Variants in TEX36 observed in about 807,000 individuals in gnomAD.
TEX36 encodes the protein testis-expressed protein 36.
TEX36 carries 12 observed loss-of-function variants against 13.6 expected under a neutral mutation model. That is an observed-to-expected ratio of 0.88 (90% CI 0.56 to 1.43). The LOEUF (loss-of-function observed/expected upper bound fraction) is 1.43, where lower values mean the gene tolerates loss of function less well. TEX36 is among the 40% of genes most tolerant of loss of function. The probability of loss-of-function intolerance (pLI) is 0.00; values close to 1 mark genes in which losing one functional copy is unlikely to be tolerated. For synonymous variants in TEX36, 93 were observed against 83.0 expected (o/e 1.12, Z -0.65); for missense variants, 224 against 228.3 (o/e 0.98, Z 0.12).
At chr10:125,596,638 A>G (rs1846084375) in intron 3 of TEX36, among the ~76,000 whole-genome samples, 1 of 152,214 alleles carries the variant, frequency 6.6e-6, no homozygotes, top group African/African-American at 2.4e-5. Context: ...CATTTGTGGC[A>G]ATTTTTTACA....
intron 3 of TEX36, among the ~76,000 whole-genome samples, chr10:125,592,274 C>G (rs1846030197): frequency 6.6e-6 from 1 of 152,108 alleles, no homozygotes; most frequent in Admixed American, 6.5e-5. Flanking sequence ...TGGAGACCAT[C>G]CCCATGAAGC....
intron 3 of TEX36, among the ~76,000 whole-genome samples, chr10:125,587,853 C>T (rs1216236697): frequency 1.3e-5 from 2 of 150,604 alleles, no homozygotes; most frequent in Non-Finnish European, 2.9e-5. Context: ...CATATACACA[C>T]GTATCCTTCT....
chr10:125,585,974 G>A (rs995335269), intron 3 of TEX36, among the ~76,000 whole-genome samples: 7 of 152,214 alleles, frequency 4.6e-5, no homozygotes, highest in African/African-American at 1.7e-4. Context: ...CATAGGACTG[G>A]GTTGTGTGGT....
chr10:125,668,135 T>C (rs1201940430), intron 1 of TEX36, among the ~76,000 whole-genome samples: 1 of 152,110 alleles, frequency 6.6e-6, no homozygotes, highest in East Asian at 1.9e-4. Flanking sequence ...TTTTTTGTTG[T>C]GTCTATCTCT....
At chr10:125,621,366 G>GT (rs796351343), downstream of TEX36, among the ~76,000 whole-genome samples, 222 of 147,090 alleles carry the variant, frequency 1.5e-3, 1 homozygote, top group East Asian at 9.9e-3. Flanking sequence ...GGCATTTTCT[G>GT]TTTTTTTTTT....
At chr10:125,640,115 G>A (rs746880567) in intron 3 of TEX36, 43 of 981,084 alleles carry the variant, frequency 4.4e-5, no homozygotes, top group South Asian at 1.4e-4. Flanking sequence ...TGTTTTTTCC[G>A]TTCAGAACTG....
chr10:125,622,245 C>T (rs1846436329), intron 3 of TEX36, among the ~76,000 whole-genome samples: 1 of 152,136 alleles, frequency 6.6e-6, no homozygotes, highest in South Asian at 2.1e-4. Context: ...TAATCCTTAA[C>T]CTAAATGCTA....
intron 3 of TEX36, among the ~76,000 whole-genome samples, chr10:125,631,445 G>C (rs1483939895): frequency 6.6e-6 from 1 of 152,148 alleles, no homozygotes; most frequent in African/African-American, 2.4e-5. Context: ...TGAACATTCT[G>C]TGTCATCGCC....
intron 3 of TEX36, among the ~76,000 whole-genome samples, chr10:125,598,907 G>A (rs1246640433): frequency 6.6e-6 from 1 of 152,050 alleles, no homozygotes; most frequent in Admixed American, 6.5e-5. Flanking sequence ...TGGTCCTGCT[G>A]GTTAACCACT....
chr10:125,580,033 G>T (rs192755874), intron 3 of TEX36, among the ~76,000 whole-genome samples: 2 of 152,262 alleles, frequency 1.3e-5, no homozygotes, highest in Admixed American at 1.3e-4. Context: ...TACCTGTTGG[G>T]TACTTAATAA....
In TEX36 at chr10:125,649,711, A is replaced by G. The variant is rs563446444; in HGVS notation, c.264+11310T>C. On this transcript the variant is annotated intron_variant, in intron 3 of 3. Coordinates refer to the TEX36 transcript ENST00000526819. Reference sequence around the variant, plus strand: ...AAAGACACAGACTGGCAAATTGGATAAAGAGTCAAGAGCCATCAGTGTGCT... The same window carrying G: ...AAAGACACAGACTGGCAAATTGGATGAAGAGTCAAGAGCCATCAGTGTGCT... Among the ~76,000 whole-genome samples, 5 of 152,312 alleles carry G rather than the reference A, an allele frequency of 3.3e-5. No individual in the cohort carries two copies. In the East Asian group the frequency reaches 5.8e-4, roughly 18 times the overall value.
chr10:125,671,807 G>A (rs150674537), intron 1 of TEX36, among the ~76,000 whole-genome samples: 1,659 of 151,946 alleles, frequency 0.011, 28 homozygotes, highest in African/African-American at 0.036. Flanking sequence ...CTCAATTTCA[G>A]AACTGTTATT....
rs530572587 is a variant in TEX36 at position 125,655,875 on chromosome 10, A to G, written c.*25T>C. The G allele has an allele frequency of 6.8e-7, 1 of 1,461,122 alleles. No homozygotes were observed. The highest frequency in any genetic ancestry group is 1.4e-5 in the South Asian group (1 of 69,048). 90.5% of individuals were successfully genotyped at this position (1,461,122 alleles called of 1,614,324 possible). On this transcript the variant is annotated 3_prime_UTR_variant, in exon 4 of 4. Coordinates refer to ENST00000368821, the MANE Select transcript of TEX36 (RefSeq NM_001128202.3). ...TCTGATGAAATACCAGTATTACAAA[A>G]TTCATCAAAAATCTTCTGGGAGGAT...
downstream of TEX36, among the ~76,000 whole-genome samples, chr10:125,619,213 G>T (rs955598194): frequency 6.6e-6 from 1 of 152,048 alleles, no homozygotes. Context: ...AAGACAGATC[G>T]TGGAGAAAAT....
At chr10:125,641,028 A>G in intron 3 of TEX36, among the ~76,000 whole-genome samples, 1 of 151,700 alleles carries the variant, frequency 6.6e-6, no homozygotes, top group East Asian at 1.9e-4. Context: ...GAAAAAAAAA[A>G]TTTAATTGGG....
intron 3 of TEX36, among the ~76,000 whole-genome samples, chr10:125,599,775 C>G (rs4962476): frequency 0.42 from 64,445 of 152,028 alleles, 13,886 homozygotes; most frequent in East Asian, 0.62. Context: ...TTTCTGAATG[C>G]GCAATGGTCA....
chr10:125,616,496 G>A (rs1251638712), intron 3 of TEX36, among the ~76,000 whole-genome samples: 12 of 118,572 alleles, frequency 1.0e-4, no homozygotes, highest in East Asian at 6.9e-4. Context: ...CTTTGTTCTC[G>A]TTGGTTTCAA....
chr10:125,599,738 G>A (rs1846122851), intron 3 of TEX36, among the ~76,000 whole-genome samples: 1 of 152,172 alleles, frequency 6.6e-6, no homozygotes, highest in African/African-American at 2.4e-5. Context: ...TATTGTATTT[G>A]TGCAAATACT....
At chr10:125,655,158 T>C (rs1846918319), downstream of TEX36, among the ~76,000 whole-genome samples, 1 of 152,024 alleles carries the variant, frequency 6.6e-6, no homozygotes, top group South Asian at 2.1e-4. Context: ...AAGAAAGCTG[T>C]AGAAGGCCAG....
Sources: allele counts gnomAD v4.1 joint callset (sites outside exome capture counted in the v4.1 genomes callset), GRCh38; gene constraint gnomAD v4.1.1; transcripts MANE v1.5; gene names NCBI Gene and HGNC (gene_info 2026-07-23, HGNC 2026-07-21).